Variants in MBNL1 observed in about 807,000 individuals in gnomAD.
MBNL1 encodes muscleblind like splicing regulator 1.
In MBNL1, 8 loss-of-function variants were observed where a neutral mutation model predicts 42.2. The observed-to-expected ratio is 0.19, with a 90% CI of 0.11 to 0.34. MBNL1 has a LOEUF of 0.34. Ranked by LOEUF, MBNL1 falls within the 10% of genes least tolerant of loss-of-function variation. The pLI is 1.00. For missense variants in MBNL1, 309 were observed against 495.3 expected (o/e 0.62, Z 3.57); for synonymous variants, 169 against 173.9 (o/e 0.97, Z 0.22).
intron 2 of MBNL1, among the ~76,000 whole-genome samples, chr3:152,307,832 A>T (rs1560077819): frequency 6.6e-6 from 1 of 152,272 alleles, no homozygotes; most frequent in Non-Finnish European, 1.5e-5. Context: ...AGACAAATTT[A>T]TAGTACAGGG....
rs2098669711 is a variant in MBNL1 at position 152,414,856 on chromosome 3, A to G, written c.175-85A>G. On this transcript the variant is annotated intron_variant, in intron 2 of 9. Transcript: ENST00000324210. Reference sequence around the variant, plus strand: ...GTGTGAAAAACCAATGATACATTCAAGTGGGTGGTTTGCATTATATTTTTT... The same window carrying G: ...GTGTGAAAAACCAATGATACATTCAGGTGGGTGGTTTGCATTATATTTTTT... 5 of 1,334,682 alleles carry G rather than the reference A, an allele frequency of 3.7e-6. No individual in the cohort carries two copies. The East Asian group carries it at 7.0e-5, about 19-fold the overall frequency. The allele number at this position is 1,334,682 out of a possible 1,614,324, so 82.7% of individuals were successfully genotyped here. A position where few individuals can be genotyped will look rare whatever the true frequency, so the allele number is the denominator to read the frequency against.
intron 2 of MBNL1, chr3:152,340,584 A>G (rs746523230): frequency 1.2e-6 from 2 of 1,613,998 alleles, no homozygotes; most frequent in Non-Finnish European, 1.7e-6. Flanking sequence ...TCTGTTCACC[A>G]TACATACTTC....
At chr3:152,290,423 T>A (rs1261088095) in intron 1 of MBNL1, among the ~76,000 whole-genome samples, 1 of 152,050 alleles carries the variant, frequency 6.6e-6, no homozygotes. Context: ...AACTATTGGT[T>A]GTGAGAATGA....
chr3:152,340,947 C>A (rs780341707), intron 2 of MBNL1: 3 of 1,537,394 alleles, frequency 2.0e-6, no homozygotes, highest in South Asian at 2.6e-5. Flanking sequence ...TGCAGCAGGC[C>A]TGCACCTATA....
chr3:152,437,277 C>T (rs1413063441), intron 4 of MBNL1, among the ~76,000 whole-genome samples: 1 of 152,148 alleles, frequency 6.6e-6, no homozygotes, highest in African/African-American at 2.4e-5. Context: ...TTTACTGCAA[C>T]TTGTTAGACA....
chr3:152,388,045 A>G (rs2097526443), intron 2 of MBNL1, among the ~76,000 whole-genome samples: 1 of 152,190 alleles, frequency 6.6e-6, no homozygotes, highest in Admixed American at 6.5e-5. Context: ...GGCCTTTTGC[A>G]TTGTTTTATG....
In MBNL1 at chr3:152,324,844, A is replaced by G. The variant is rs548557276; in HGVS notation, c.174+24477A>G. On this transcript the variant is annotated intron_variant, in intron 2 of 9. Transcript: ENST00000324210. The stretch of plus-strand genomic sequence containing the variant: ...TACCTTGGGATTGATGTGAGGTTGA[A>G]TAAGAAACACATTTATTTCAGTGAA... 2.0e-5 allele frequency among the ~76,000 whole-genome samples: 3 copies of G among 152,210 alleles called. 1 individual carries two copies. The highest frequency in any genetic ancestry group is 4.8e-5 in the African/African-American group (2 of 41,538).
At chr3:152,379,375 T>C (rs1286679256) in intron 2 of MBNL1, among the ~76,000 whole-genome samples, 1 of 152,198 alleles carries the variant, frequency 6.6e-6, no homozygotes, top group Non-Finnish European at 1.5e-5. Context: ...CCTATGGAGG[T>C]GTACAGCTTT....
chr3:152,358,798 T>TG (rs1467552310), intron 2 of MBNL1, among the ~76,000 whole-genome samples: 6 of 151,984 alleles, frequency 3.9e-5, no homozygotes, highest in Non-Finnish European at 8.8e-5. Context: ...TTAATAGAGA[T>TG]GGGGTCTCAC....
intron 1 of MBNL1, chr3:152,269,717 TTTCTTC>T (rs148863620): frequency 8.6e-5 from 20 of 232,006 alleles, no homozygotes; most frequent in East Asian, 5.2e-4. Context: ...GCCTCCTCCT[TTTCTTC>T]TTCTTCTTTT....
At chr3:152,286,717 G>A (rs2052554253) in intron 1 of MBNL1, among the ~76,000 whole-genome samples, 1 of 151,598 alleles carries the variant, frequency 6.6e-6, no homozygotes, top group Non-Finnish European at 1.5e-5. Context: ...TTTTATTTGT[G>A]TGTGATTTTA....
intron 2 of MBNL1, among the ~76,000 whole-genome samples, chr3:152,402,506 C>G (rs2098270497): frequency 1.3e-5 from 2 of 152,160 alleles, no homozygotes; most frequent in South Asian, 2.1e-4. Context: ...CTTTCCATGT[C>G]AACTCCTGGG....
chr3:152,365,839 T>C (rs1180216999), intron 2 of MBNL1, among the ~76,000 whole-genome samples: 4 of 152,188 alleles, frequency 2.6e-5, no homozygotes, highest in Admixed American at 2.6e-4. Context: ...GTCTAAGATA[T>C]TTTATTAGCA....
intron 6 of MBNL1, among the ~76,000 whole-genome samples, chr3:152,452,901 G>A (rs7652486): frequency 0.76 from 115,441 of 152,108 alleles, 44,859 homozygotes; most frequent in African/African-American, 0.93. Flanking sequence ...ATAAGGCAAC[G>A]AAAGGCCAGG....
chr3:152,322,270 A>T (rs2076911185), intron 2 of MBNL1, among the ~76,000 whole-genome samples: 1 of 152,068 alleles, frequency 6.6e-6, no homozygotes, highest in African/African-American at 2.4e-5. Context: ...TTTGTATTAA[A>T]TTTAAAATGG....
intron 2 of MBNL1, among the ~76,000 whole-genome samples, chr3:152,349,412 A>G (rs1435152009): frequency 6.6e-6 from 1 of 151,986 alleles, no homozygotes; most frequent in Non-Finnish European, 1.5e-5. Context: ...AACATATCTT[A>G]TTTTTAAAAG....
intron 4 of MBNL1, among the ~76,000 whole-genome samples, chr3:152,438,585 T>C (rs1309547744): frequency 1.3e-5 from 2 of 152,230 alleles, no homozygotes; most frequent in Non-Finnish European, 2.9e-5. Context: ...TTAATGAGAT[T>C]AGAATCACAT....
chr3:152,356,778 G>A (rs1415362154), intron 2 of MBNL1, among the ~76,000 whole-genome samples: 1 of 151,700 alleles, frequency 6.6e-6, no homozygotes, highest in East Asian at 1.9e-4. Context: ...ACCTGGCCCT[G>A]CTTTTTCTTT....
intron 2 of MBNL1, among the ~76,000 whole-genome samples, chr3:152,325,054 T>G (rs2078709493): frequency 7.1e-6 from 1 of 141,138 alleles, no homozygotes; most frequent in South Asian, 2.4e-4. Flanking sequence ...GCAAATGACT[T>G]CTTTTGATGT....
Sources: allele counts gnomAD v4.1 joint callset (sites outside exome capture counted in the v4.1 genomes callset), GRCh38; gene constraint gnomAD v4.1.1; transcripts MANE v1.5; gene names NCBI Gene and HGNC (gene_info 2026-07-23, HGNC 2026-07-21).